Variants in OLA1 observed in about 807,000 individuals in gnomAD.
OLA1 encodes Obg like ATPase 1.
A neutral mutation model predicts 48.4 loss-of-function variants in OLA1; 14 were observed. The observed-to-expected ratio is 0.29, with a 90% CI of 0.19 to 0.45. OLA1 has a LOEUF of 0.45. Among genes scored for constraint, OLA1 ranks in the 20% least tolerant of loss-of-function variants. The pLI is 1.00. For missense variants in OLA1, 325 were observed against 467.1 expected, an observed-to-expected ratio of 0.70 and a Z score of 2.80; for synonymous variants, 127 against 150.4, an observed-to-expected ratio of 0.84 and a Z score of 1.14.
At chr2:174,128,097 G>A (rs144650791) in intron 5 of OLA1, among the ~76,000 whole-genome samples, 1 of 151,614 alleles carries the variant, frequency 6.6e-6, no homozygotes, top group Admixed American at 6.6e-5. Context: ...ATATAGATTA[G>A]AAACAATCTA....
chr2:174,144,949 AAAATATAT>A (rs1448485694), intron 4 of OLA1, among the ~76,000 whole-genome samples: 11 of 57,158 alleles, frequency 1.9e-4, no homozygotes, highest in African/African-American at 6.3e-4. Flanking sequence ...AAAAAAAAAA[AAAATATAT>A]ATATATATAT....
intron 4 of OLA1, among the ~76,000 whole-genome samples, chr2:174,184,634 A>G (rs1687612300): frequency 2.0e-5 from 3 of 152,196 alleles, no homozygotes; most frequent in Admixed American, 6.6e-5. Flanking sequence ...ACAGCAATAT[A>G]CCAATGTTGG....
At chr2:174,137,159 A>C (rs1336468695) in intron 5 of OLA1, among the ~76,000 whole-genome samples, 1 of 152,242 alleles carries the variant, frequency 6.6e-6, no homozygotes, top group Non-Finnish European at 1.5e-5. Context: ...TTGTCTTAGC[A>C]GGCATGAAAA....
intron 5 of OLA1, among the ~76,000 whole-genome samples, chr2:174,133,789 A>T (rs1595798): frequency 0.53 from 79,988 of 152,066 alleles, 21,612 homozygotes; most frequent in East Asian, 0.95. Context: ...TTTTAAAAAA[A>T]TTACATAAAA....
intron 7 of OLA1, among the ~76,000 whole-genome samples, chr2:174,095,325 G>GTTTTTTTTTTTTTTTTTTTTTTT (rs1205716344): frequency 6.9e-4 from 54 of 77,978 alleles, no homozygotes; most frequent in African/African-American, 1.2e-3. Context: ...GTTATTTCCT[G>GTTTTTTTTTTTTTTTTTTTTTTT]TTTTTTTTTT....
intron 7 of OLA1, among the ~76,000 whole-genome samples, chr2:174,086,450 C>A (rs1240576290): frequency 6.6e-6 from 1 of 152,150 alleles, no homozygotes; most frequent in African/African-American, 2.4e-5. Flanking sequence ...GATGCCTAAA[C>A]CCTCGGACAG....
intron 7 of OLA1, among the ~76,000 whole-genome samples, chr2:174,115,815 TC>T (rs2105362698): frequency 6.6e-6 from 1 of 152,322 alleles, no homozygotes; most frequent in East Asian, 1.9e-4. Context: ...TAAAACAGTT[TC>T]CTCTTACTCT....
chr2:174,125,777 A>G (rs1161616937), intron 5 of OLA1, among the ~76,000 whole-genome samples: 2 of 152,300 alleles, frequency 1.3e-5, no homozygotes, highest in East Asian at 3.9e-4. Context: ...AATTAGAAGC[A>G]CTCAAAAAAT....
chr2:174,108,174 G>A (rs1005954620), intron 7 of OLA1, among the ~76,000 whole-genome samples: 2 of 151,980 alleles, frequency 1.3e-5, no homozygotes, highest in Non-Finnish European at 2.9e-5. Context: ...TCAGTGATTT[G>A]GTTTTTTTGG....
At chr2:174,223,250 T>A in intron 3 of OLA1, 90 bp from the exon 4 acceptor site, 1 of 1,289,354 alleles carries the variant, frequency 7.8e-7, no homozygotes, top group Admixed American at 2.0e-5. Flanking sequence ...ACATAAATTC[T>A]TTCCTTTCTA....
chr2:174,101,185 T>C (rs1436897583), intron 7 of OLA1, among the ~76,000 whole-genome samples: 1 of 152,192 alleles, frequency 6.6e-6, no homozygotes, highest in Non-Finnish European at 1.5e-5. Flanking sequence ...CCACACTTGG[T>C]GGTGTTATTT....
chr2:174,081,664 T>G (rs574688150), intron 8 of OLA1, among the ~76,000 whole-genome samples: 119 of 152,126 alleles, frequency 7.8e-4, no homozygotes, highest in African/African-American at 2.8e-3. Flanking sequence ...ACGAAAGAGT[T>G]TTGGCGATCA....
chr2:174,136,190 C>T (rs547215771), intron 5 of OLA1, among the ~76,000 whole-genome samples: 8 of 152,156 alleles, frequency 5.3e-5, no homozygotes, highest in Non-Finnish European at 7.4e-5. Context: ...ATGAAAACAA[C>T]GAAGTTTGCC....
intron 4 of OLA1, among the ~76,000 whole-genome samples, chr2:174,198,476 T>C (rs1268320850): frequency 6.6e-6 from 1 of 152,044 alleles, no homozygotes; most frequent in Non-Finnish European, 1.5e-5. Flanking sequence ...CTGGGAGTCT[T>C]CAAGGTCAAA....
Position 174,229,394 on chromosome 2 carries a change from C to T in OLA1, c.159G>A (p.Pro53=), listed in dbSNP as rs11558992. The change falls in exon 3 of 11, where the codon CCG becomes CCA. Residue 53 remains proline (P), a synonymous_variant. Transcript: ENST00000284719. The stretch of plus-strand genomic sequence containing the variant: ...TCTCATTAGGATCAATAGTGCAGAA[C>T]GGGAAGTTTTCTGCTGAAGCCTGAC... ...TNSQASAENF[P]FCTIDPNESR... 24 of 1,612,990 alleles carry T rather than the reference C, an allele frequency of 1.5e-5. No homozygotes were observed. In the East Asian group the frequency reaches 2.7e-4, roughly 18 times the overall value.
At position 174,082,016 on chromosome 2, in the gene OLA1, C is replaced by A; in HGVS notation, c.777G>T (p.Leu259Phe). 5 of 1,613,452 alleles carry A rather than the reference C, an allele frequency of 3.1e-6. No homozygotes were observed. Among genetic ancestry groups the A allele is most frequent in the Non-Finnish European group, 3.4e-6 (4 of 1,179,506 alleles). ...CCAAGGCCCCACTAAAAGGAATGACCAAAGCACCTGGGTCATACTTGTCCA... is the reference window on the plus strand; with the variant it reads ...CCAAGGCCCCACTAAAAGGAATGACAAAAGCACCTGGGTCATACTTGTCCA... ...EWVDKYDPGA[L>F]VIPFSGALEL... Residue 259 changes from leucine to phenylalanine, a missense_variant, in exon 8 of 11, where the codon TTG becomes TTT. Leu to Phe is a conservative substitution (Grantham distance 22, BLOSUM62 0). Transcript: ENST00000284719.
intron 4 of OLA1, among the ~76,000 whole-genome samples, chr2:174,179,950 G>C (rs928014345): frequency 7.9e-5 from 12 of 152,006 alleles, no homozygotes; most frequent in Non-Finnish European, 1.8e-4. Flanking sequence ...TATCTTGATA[G>C]AGCTTTGTTT....
rs377042897 is a variant in OLA1 at position 174,172,972 on chromosome 2, G to T, written c.374-30972C>A. Among the ~76,000 whole-genome samples the T allele has an allele frequency of 3.3e-5, 5 of 152,136 alleles. No homozygotes were observed. In the East Asian group the frequency reaches 9.7e-4, roughly 29 times the overall value. ...TCTCACTTGTTCCCTCTCTAGCCAT[G>T]TGATATGCCGCCTCCCCCTTTGCCT... On this transcript the variant is annotated intron_variant, in intron 4 of 10. Coordinates refer to ENST00000284719, the MANE Select transcript of OLA1 (RefSeq NM_013341.5).
intron 5 of OLA1, among the ~76,000 whole-genome samples, chr2:174,128,840 G>A (rs1487614234): frequency 6.6e-6 from 1 of 152,156 alleles, no homozygotes; most frequent in Non-Finnish European, 1.5e-5. Flanking sequence ...AGAACACTTT[G>A]TAGTCATTAA....
Sources: allele counts gnomAD v4.1 joint callset (sites outside exome capture counted in the v4.1 genomes callset), GRCh38; gene constraint gnomAD v4.1.1; transcripts MANE v1.5; gene names NCBI Gene and HGNC (gene_info 2026-07-23, HGNC 2026-07-21).